Variants in MTRES1 observed in about 807,000 individuals in gnomAD.
MTRES1 encodes mitochondrial transcription rescue factor 1.
In MTRES1, 11 loss-of-function variants were observed where a neutral mutation model predicts 17.4. The observed-to-expected ratio is 0.63, with a 90% confidence interval of 0.40 to 1.05. MTRES1 has a LOEUF of 1.05. MTRES1 is among the 50% of genes least tolerant of loss of function. The pLI is 0.00. For synonymous variants in MTRES1, 94 were observed against 99.6 expected (o/e 0.94, Z 0.34); for missense variants, 268 against 276.2 (o/e 0.97, Z 0.21).
rs782765255 is a variant in MTRES1, at chr6:107,044,339, T to A, written c.543+7T>A. 6.2e-7 allele frequency: 1 copy of A among 1,608,188 alleles called. No homozygotes were observed. Among genetic ancestry groups the A allele is most frequent in the African/African-American group, 1.3e-5 (1 of 74,814 alleles). On this transcript the variant is annotated splice_region_variant and intron_variant, in intron 3 of 3. Coordinates refer to ENST00000311381, the MANE Select transcript of MTRES1 (RefSeq NM_016487.5). ...ATGGAAGAAAAGCAGAACGGTGAGA[T>A]ACTAACCTAAAATGACAGCCAGATG...
At chr6:107,047,201 C>T (rs1774423281) in intron 3 of MTRES1, among the ~76,000 whole-genome samples, 2 of 151,934 alleles carry the variant, frequency 1.3e-5, no homozygotes, top group Admixed American at 6.6e-5. Context: ...GTATCCTTTT[C>T]TTTGTATATT....
chr6:107,039,341 TGTG>T (rs1554227279), intron 1 of MTRES1, among the ~76,000 whole-genome samples: 1 of 151,954 alleles, frequency 6.6e-6, no homozygotes, highest in Non-Finnish European at 1.5e-5. Context: ...AATTTTGGGA[TGTG>T]GTTTCTCTCT....
intron 1 of MTRES1, among the ~76,000 whole-genome samples, chr6:107,033,820 AAATAATAATAAT>A (rs540521466): frequency 2.0e-5 from 3 of 152,010 alleles, no homozygotes; most frequent in Non-Finnish European, 4.4e-5. Flanking sequence ...TCCGTCTCAA[AAATAATAATAAT>A]AATAACAAAG....
intron 3 of MTRES1, among the ~76,000 whole-genome samples, chr6:107,046,392 C>G (rs934057236): frequency 2.5e-5 from 3 of 122,400 alleles, no homozygotes; most frequent in Non-Finnish European, 3.2e-5. Context: ...CTGCTTCATT[C>G]TGCCTTGGGT....
intron 3 of MTRES1, among the ~76,000 whole-genome samples, chr6:107,045,900 G>A (rs567768563): frequency 6.6e-6 from 1 of 152,192 alleles, no homozygotes; most frequent in Non-Finnish European, 1.5e-5. Context: ...AACTACATCC[G>A]GTTGCCCTAG....
intron 1 of MTRES1, among the ~76,000 whole-genome samples, chr6:107,035,679 G>A (rs1297973225): frequency 2.6e-5 from 4 of 151,368 alleles, no homozygotes; most frequent in East Asian, 2.0e-4. Context: ...ATGGAGTTTC[G>A]CTCTTGTTGC....
chr6:107,046,930 TTGTGTGTGTGTGTG>T (rs67662472), intron 3 of MTRES1, among the ~76,000 whole-genome samples: 8 of 33,020 alleles, frequency 2.4e-4, no homozygotes, highest in South Asian at 6.9e-4. Context: ...GGATTCATTC[TTGTGTGTGTGTGTG>T]TGTGTGTGTG....
intron 2 of MTRES1, 139 bp from the exon 3 acceptor site, chr6:107,044,121 C>G: frequency 1.6e-6 from 1 of 609,890 alleles, no homozygotes; most frequent in Non-Finnish European, 2.8e-6. Context: ...GACTTTGTCT[C>G]AAAAAACAAA....
Position 107,051,317 on chromosome 6 carries a change from A to G in MTRES1, c.*81A>G. The G allele has an allele frequency of 8.0e-7, 1 of 1,252,278 alleles. No individual in the cohort carries two copies. Among genetic ancestry groups the G allele is most frequent in the Non-Finnish European group, 1.1e-6 (1 of 896,724 alleles). The allele number at this position is 1,252,278 out of a possible 1,614,324, so 77.6% of individuals were successfully genotyped here. A position where few individuals can be genotyped will look rare whatever the true frequency, so the allele number is the denominator to read the frequency against. ...TGAAAAATAGGACATTTTTATTAAAATAAAGTTCTCTTAGCGTTTGTGGAA... is the reference window on the plus strand; with the variant it reads ...TGAAAAATAGGACATTTTTATTAAAGTAAAGTTCTCTTAGCGTTTGTGGAA... On this transcript the variant is annotated 3_prime_UTR_variant, in exon 4 of 4. Transcript: ENST00000311381.
chr6:107,040,965 G>A (rs1554227665), intron 2 of MTRES1: 1 of 152,106 alleles, frequency 6.6e-6, no homozygotes, highest in Non-Finnish European at 1.5e-5. Flanking sequence ...AGTGGCTCAT[G>A]TCTGTAATCC....
intron 1 of MTRES1, among the ~76,000 whole-genome samples, chr6:107,031,036 G>T (rs1773817770): frequency 6.6e-6 from 1 of 152,120 alleles, no homozygotes; most frequent in African/African-American, 2.4e-5. Flanking sequence ...TAAAGTGAAT[G>T]TAGAAGAGAA....
intron 3 of MTRES1, among the ~76,000 whole-genome samples, chr6:107,050,836 C>T (rs1380058976): frequency 6.6e-5 from 10 of 152,128 alleles, no homozygotes; most frequent in African/African-American, 2.4e-4. Flanking sequence ...CTTGGCCTCC[C>T]AAAGTGCTGG....
At position 107,041,750 on chromosome 6, in the gene MTRES1, G is replaced by A. The variant is rs1039432880; in HGVS notation, c.470+1520G>A. ...TCACTGTGTTAGCCAGGATGGTCTC[G>A]ATCTCCTGACCTCGTGATCCACCCA... On this transcript the variant is annotated intron_variant, in intron 2 of 3. Transcript: ENST00000311381. Among the ~76,000 whole-genome samples the A allele has an allele frequency of 1.1e-4, 16 of 151,764 alleles. No individual in the cohort carries two copies. The East Asian group carries it at 2.4e-3, about 22-fold the overall frequency.
chr6:107,035,176 C>G (rs375944647), intron 1 of MTRES1, among the ~76,000 whole-genome samples: 3 of 151,964 alleles, frequency 2.0e-5, no homozygotes, highest in East Asian at 3.9e-4. Flanking sequence ...TCTTGTTGCC[C>G]AGGCTGGAGT....
intron 2 of MTRES1, among the ~76,000 whole-genome samples, chr6:107,043,595 A>G (rs1415303593): frequency 3.7e-5 from 4 of 108,734 alleles, no homozygotes; most frequent in African/African-American, 1.2e-4. Flanking sequence ...TAAGAAAATC[A>G]TAAGGAAGTG....
At chr6:107,040,868 GA>G (rs782600150) in intron 2 of MTRES1, 5,789 of 124,764 alleles carry the variant, frequency 0.046, 173 homozygotes, top group Middle Eastern at 0.15. Context: ...GACTCCATCT[GA>G]AAAAAAAAAA....
intron 1 of MTRES1, chr6:107,028,967 C>A: frequency 3.5e-6 from 2 of 575,460 alleles, no homozygotes; most frequent in Non-Finnish European, 4.4e-6. Flanking sequence ...TTTCCTGATT[C>A]ATTCGAATGC....
chr6:107,050,900 G>A (rs1322375102), intron 3 of MTRES1, among the ~76,000 whole-genome samples, 157 bp from the exon 4 acceptor site: 1 of 152,124 alleles, frequency 6.6e-6, no homozygotes, highest in African/African-American at 2.4e-5. Flanking sequence ...TTCACGCTGA[G>A]GCACTGGGAT....
chr6:107,051,232 A>C lies in MTRES1; in HGVS notation c.719A>C (p.Lys240Thr), dbSNP rs782722011. Residue 240 changes from lysine to threonine, a missense_variant, in exon 4 of 4, where the codon AAA (lysine) becomes ACA (threonine). Physicochemically the swap from Lys to Thr is moderately conservative, Grantham distance 78 (BLOSUM62 -1). Transcript: ENST00000311381. ...SLKLPKKRMS[K>T] ...AAGTTGCCTAAGAAGAGAATGTCTA[A>C]ATAAATGGATTGCTTTTTAGCAATA... The C allele has an allele frequency of 1.1e-5, 18 of 1,611,694 alleles. No individual in the cohort carries two copies. The Admixed American group carries it at 2.7e-4, about 24-fold the overall frequency.
Sources: gnomAD v4.1 joint callset for allele counts (sites outside exome capture counted in the v4.1 genomes callset) on GRCh38, gnomAD v4.1.1 for gene constraint, MANE v1.5 for transcripts, NCBI Gene and HGNC (gene_info 2026-07-23, HGNC 2026-07-21) for gene names.